Variants in LANCL1 observed in about 807,000 individuals in gnomAD.
LANCL1 encodes the protein LanC like glutathione S-transferase 1, also known as glutathione S-transferase LANCL1.
LANCL1 carries 50 observed loss-of-function variants against 50.6 expected under a neutral mutation model. That is an observed-to-expected ratio of 0.99 (90% CI 0.79 to 1.25). LANCL1 has a LOEUF of 1.25. Ranked by LOEUF, LANCL1 falls within the 50% of genes most tolerant of loss-of-function variation. The pLI, the probability that LANCL1 is intolerant of heterozygous loss-of-function variation, is 0.00. For missense variants in LANCL1, 532 were observed against 480.7 expected (o/e 1.11, Z -1.00); for synonymous variants, 188 against 178.6 (o/e 1.05, Z -0.42).
intron 4 of LANCL1, among the ~76,000 whole-genome samples, chr2:210,453,611 A>C (rs986667792): frequency 6.6e-6 from 1 of 152,226 alleles, no homozygotes; most frequent in Non-Finnish European, 1.5e-5. Flanking sequence ...CATTATATAT[A>C]GAATATTGGG....
chr2:210,454,814 T>A (rs1693615169), intron 4 of LANCL1, among the ~76,000 whole-genome samples: 1 of 152,170 alleles, frequency 6.6e-6, no homozygotes, highest in South Asian at 2.1e-4. Flanking sequence ...GAATTACAGA[T>A]CTTGGATAGC....
At chr2:210,453,772 G>A (rs1460819022) in intron 4 of LANCL1, among the ~76,000 whole-genome samples, 1 of 152,150 alleles carries the variant, frequency 6.6e-6, no homozygotes, top group Admixed American at 6.5e-5. Flanking sequence ...ATTTAGGTGA[G>A]TATGGAACAG....
At chr2:210,437,525 T>C (rs1221719311) in intron 7 of LANCL1, among the ~76,000 whole-genome samples, 165 bp downstream of exon 7, 1 of 152,214 alleles carries the variant, frequency 6.6e-6, no homozygotes, top group African/African-American at 2.4e-5. Flanking sequence ...ATGGCTGCTA[T>C]GGTACAGATA....
chr2:210,459,811 G>A (rs765570604), intron 3 of LANCL1, among the ~76,000 whole-genome samples: 23 of 150,352 alleles, frequency 1.5e-4, no homozygotes, highest in Non-Finnish European at 3.0e-4. Context: ...GTTGTAATAG[G>A]AATCAGTCCT....
intron 7 of LANCL1, among the ~76,000 whole-genome samples, chr2:210,436,739 C>A (rs1308021220): frequency 2.0e-5 from 3 of 152,122 alleles, no homozygotes; most frequent in Non-Finnish European, 2.9e-5. Context: ...AACTCTGATG[C>A]CCTCTTCACT....
At chr2:210,442,056 C>A (rs375534010) in intron 4 of LANCL1, among the ~76,000 whole-genome samples, 2 of 152,126 alleles carry the variant, frequency 1.3e-5, no homozygotes, top group East Asian at 3.9e-4. Flanking sequence ...AGGTACACAC[C>A]ACCACACCTG....
intron 3 of LANCL1, among the ~76,000 whole-genome samples, chr2:210,466,481 G>T (rs1694064730): frequency 6.6e-6 from 1 of 152,132 alleles, no homozygotes; most frequent in Admixed American, 6.5e-5. Context: ...AGGAACCTTG[G>T]TGCTAATGCA....
chr2:210,434,688 A>G (rs1306477179), intron 9 of LANCL1, 125 bp from the exon 10 acceptor site: 5 of 718,852 alleles, frequency 7.0e-6, no homozygotes, highest in Non-Finnish European at 1.2e-5. Flanking sequence ...CAAACACACA[A>G]ACATCAACAA....
intron 2 of LANCL1, among the ~76,000 whole-genome samples, chr2:210,475,338 T>G (rs1248628960): frequency 2.6e-5 from 4 of 152,178 alleles, no homozygotes; most frequent in African/African-American, 9.7e-5. Flanking sequence ...CTAAATTTTA[T>G]TTTTTTATTT....
At chr2:210,464,983 A>AAAAACAAAAAAAC (rs1553714477) in intron 3 of LANCL1, among the ~76,000 whole-genome samples, 78 of 64,626 alleles carry the variant, frequency 1.2e-3, no homozygotes, top group African/African-American at 2.5e-3. Context: ...AAAAAAAAAA[A>AAAAACAAAAAAAC]AAAAAAAACT....
intron 4 of LANCL1, among the ~76,000 whole-genome samples, chr2:210,445,663 ATG>A (rs1308642958): frequency 6.6e-6 from 1 of 152,222 alleles, no homozygotes; most frequent in Admixed American, 6.5e-5. Context: ...TGGTTATTTT[ATG>A]TGTTTTCAGA....
rs1276882453 is a variant in LANCL1 at position 210,431,954 on chromosome 2, T to C, written c.*2533A>G. The C allele has an allele frequency of 3.3e-5, 5 of 152,330 alleles. No homozygotes were observed. Among genetic ancestry groups the C allele is most frequent in the African/African-American group, 4.8e-5 (2 of 41,592 alleles). The allele number at this position is 152,330 out of a possible 1,614,324, so 9.4% of individuals were successfully genotyped here. A position where few individuals can be genotyped will look rare whatever the true frequency, so the allele number is the denominator to read the frequency against. On this transcript the variant is annotated 3_prime_UTR_variant, in exon 10 of 10. Transcript: ENST00000450366. ...ATAAATGAACACTGCTTGATGACCT[T>C]TGACAACCTTTGAAGGTTTTATTAC...
At chr2:210,467,319 C>T (rs894471874) in intron 3 of LANCL1, among the ~76,000 whole-genome samples, 6 of 152,152 alleles carry the variant, frequency 3.9e-5, no homozygotes, top group Admixed American at 6.5e-5. Context: ...TGCAAAGTTA[C>T]TGAGTGTTCC....
In LANCL1 at chr2:210,434,332, AG is replaced by A. The variant is rs1259929225; in HGVS notation, c.*154del. 1.7e-6 allele frequency: 1 copy of A among 577,150 alleles called. No homozygotes were observed. Among genetic ancestry groups the A allele is most frequent in the Non-Finnish European group, 3.1e-6 (1 of 326,190 alleles). 35.8% of individuals were successfully genotyped at this position (577,150 alleles called of 1,614,324 possible). A position where few individuals can be genotyped will look rare whatever the true frequency, so the allele number is the denominator to read the frequency against. The stretch of plus-strand genomic sequence containing the variant: ...CTAAGTAAAAGTAAATGATAATGGA[AG>A]GGAACTGAATGAAAGATAAATTCTG... On this transcript the variant is annotated 3_prime_UTR_variant, in exon 10 of 10. Coordinates refer to ENST00000450366, the MANE Select transcript of LANCL1 (RefSeq NM_006055.3).
At chr2:210,437,541 T>A in intron 7 of LANCL1, 149 bp downstream of exon 7, 1 of 491,486 alleles carries the variant, frequency 2.0e-6, no homozygotes, top group Non-Finnish European at 3.5e-6. Context: ...AGATAGATGG[T>A]GAGAATGAAT....
intron 2 of LANCL1, 49 bp downstream of exon 2, chr2:210,476,267 A>C (rs1228937207): frequency 2.1e-6 from 3 of 1,416,652 alleles, no homozygotes; most frequent in African/African-American, 1.4e-5. Context: ...CACCTTTCCG[A>C]ACACCGTGGG....
At chr2:210,459,277 A>G (rs140957000) in intron 3 of LANCL1, among the ~76,000 whole-genome samples, 333 of 152,116 alleles carry the variant, frequency 2.2e-3, no homozygotes, top group African/African-American at 7.6e-3. Flanking sequence ...ATTTTATACT[A>G]TATACAAAAG....
chr2:210,474,561 C>CA lies in LANCL1; in HGVS notation c.81+1754dup, dbSNP rs773466286. 9.0e-3 allele frequency among the ~76,000 whole-genome samples: 1,104 copies of CA among 122,640 alleles called. 8 individuals carry two copies. Among genetic ancestry groups the CA allele is most frequent in the African/African-American group, 0.022 (747 of 33,362 alleles). The allele number at this position is 122,640 out of a possible 152,430, so 80.5% of individuals were successfully genotyped here. A position where few individuals can be genotyped will look rare whatever the true frequency, so the allele number is the denominator to read the frequency against. ...TGAAACCCTGCCTCTACTAAAAATACAAAAAAAAAAAAAAATTAGCCAGGT... is the reference window on the plus strand; with the variant it reads ...TGAAACCCTGCCTCTACTAAAAATACAAAAAAAAAAAAAAAATTAGCCAGGT... On this transcript the variant is annotated intron_variant, in intron 2 of 9. Transcript: ENST00000450366.
chr2:210,456,891 T>C (rs1422012087), intron 3 of LANCL1, among the ~76,000 whole-genome samples: 1 of 152,250 alleles, frequency 6.6e-6, no homozygotes, highest in Admixed American at 6.5e-5. Flanking sequence ...GCTTAACTAT[T>C]TAACAAACAA....
Sources: gnomAD v4.1 joint callset for allele counts (sites outside exome capture counted in the v4.1 genomes callset) on GRCh38, gnomAD v4.1.1 for gene constraint, MANE v1.5 for transcripts, NCBI Gene and HGNC (gene_info 2026-07-23, HGNC 2026-07-21) for gene names.